Variants in LHX4 observed in about 807,000 individuals in gnomAD.
LHX4 encodes the protein LIM/homeobox protein Lhx4.
A neutral mutation model predicts 39.2 loss-of-function variants in LHX4; 16 were observed. The observed-to-expected ratio is 0.41, with a 90% CI of 0.28 to 0.62. LHX4 has a LOEUF of 0.62. Ranked by LOEUF, LHX4 falls within the 20% of genes least tolerant of loss-of-function variation. LHX4 has a pLI of 0.33. For synonymous variants in LHX4, 206 were observed against 198.1 expected (o/e 1.04, Z -0.33); for missense variants, 439 against 511.9 (o/e 0.86, Z 1.37).
Position 180,232,587 on chromosome 1 carries a change from T to A in LHX4, c.76+1982T>A, listed in dbSNP as rs1345785599. Among the ~76,000 whole-genome samples, 3 of 152,192 alleles carry A rather than the reference T, an allele frequency of 2.0e-5. No individual in the cohort carries two copies. The highest frequency in any genetic ancestry group is 7.2e-5 in the African/African-American group (3 of 41,452). ...TCTAGAGGGGGTGGTCAGTCCTCCCTTTGTCCGAGTTTCGTGACCTTGGTT... is the reference window on the plus strand; with the variant it reads ...TCTAGAGGGGGTGGTCAGTCCTCCCATTGTCCGAGTTTCGTGACCTTGGTT... On this transcript the variant is annotated intron_variant, in intron 1 of 5. Coordinates refer to ENST00000263726, the MANE Select transcript of LHX4 (RefSeq NM_033343.4). The surrounding 1 kb of genome is among the most constrained non-coding windows in gnomAD (Gnocchi z 5.4).
rs186091041 is a variant in LHX4 at position 180,257,174 on chromosome 1, T to G, written c.248+8718T>G. 7.9e-5 allele frequency among the ~76,000 whole-genome samples: 12 copies of G among 152,276 alleles called. No homozygotes were observed. The East Asian group carries it at 1.9e-3, about 24-fold the overall frequency. The stretch of plus-strand genomic sequence containing the variant: ...TTGGGCTCTCGTCCACTTCCTGCCA[T>G]GGATGGAGCTGTGTGATCTTGGGCA... On this transcript the variant is annotated intron_variant, in intron 2 of 5. Coordinates refer to ENST00000263726, the MANE Select transcript of LHX4 (RefSeq NM_033343.4).
At position 180,278,947 on chromosome 1, in the gene LHX4, G is replaced by A. The variant is rs755332163; in HGVS notation, c.*4368G>A. 2.0e-5 allele frequency: 3 copies of A among 152,142 alleles called. No homozygotes were observed. Among genetic ancestry groups the A allele is most frequent in the Non-Finnish European group, 4.4e-5 (3 of 68,032 alleles). 9.4% of individuals were successfully genotyped at this position (152,142 alleles called of 1,614,324 possible). ...CTGTGTGTTGGCATGAGATGTGTAC[G>A]GTAAAATTATGTAAAATAAATATGG... On this transcript the variant is annotated 3_prime_UTR_variant, in exon 6 of 6. Coordinates refer to ENST00000263726, the MANE Select transcript of LHX4 (RefSeq NM_033343.4).
intron 1 of LHX4, among the ~76,000 whole-genome samples, chr1:180,247,326 T>C (rs1044784201): frequency 1.3e-5 from 2 of 152,176 alleles, no homozygotes; most frequent in Admixed American, 1.3e-4. Flanking sequence ...TTTCACTATT[T>C]AAGTGAAAAG....
intron 2 of LHX4, among the ~76,000 whole-genome samples, chr1:180,256,899 C>T (rs1219652521): frequency 6.6e-6 from 1 of 152,250 alleles, no homozygotes; most frequent in Non-Finnish European, 1.5e-5. Context: ...CAGCTGACTG[C>T]TCCAAGCCTG....
At chr1:180,235,860 G>A (rs1173006598) in intron 1 of LHX4, among the ~76,000 whole-genome samples, 7 of 152,232 alleles carry the variant, frequency 4.6e-5, no homozygotes, top group Admixed American at 2.6e-4. Flanking sequence ...GTCTCAGGGG[G>A]TTTGCTTTGT....
intron 3 of LHX4, chr1:180,270,180 T>C (rs1382870629): frequency 6.6e-6 from 1 of 152,256 alleles, no homozygotes; most frequent in Non-Finnish European, 1.5e-5. Context: ...GAGAGCCTTG[T>C]AGATTGTGAG....
intron 2 of LHX4, among the ~76,000 whole-genome samples, chr1:180,255,882 T>G (rs1302769189): frequency 6.6e-6 from 1 of 152,300 alleles, no homozygotes; most frequent in Non-Finnish European, 1.5e-5. Context: ...TAGCTGCAAA[T>G]TAGTCTGGGG....
At chr1:180,249,313 G>A (rs1262654414) in intron 2 of LHX4, among the ~76,000 whole-genome samples, 1 of 152,234 alleles carries the variant, frequency 6.6e-6, no homozygotes, top group Admixed American at 6.5e-5. Flanking sequence ...TTGGATCAGG[G>A]TGAGAAGACC....
In LHX4 at chr1:180,247,448, G is replaced by T. The variant is rs897762233; in HGVS notation, c.77-837G>T. Among the ~76,000 whole-genome samples the T allele has an allele frequency of 5.9e-5, 9 of 152,288 alleles. No homozygotes were observed. In the East Asian group the frequency reaches 1.7e-3, roughly 29 times the overall value. ...TCACTGCTTCTGCTGTGACTGATCAGGACAGTGCAATACCCACCAAAGCAC... is the reference window on the plus strand; with the variant it reads ...TCACTGCTTCTGCTGTGACTGATCATGACAGTGCAATACCCACCAAAGCAC... On this transcript the variant is annotated intron_variant, in intron 1 of 5. Coordinates refer to ENST00000263726, the MANE Select transcript of LHX4 (RefSeq NM_033343.4).
chr1:180,230,294 A>T lies in LHX4; in HGVS notation c.-236A>T, dbSNP rs1268514502. 5.1e-6 allele frequency: 3 copies of T among 585,534 alleles called. No homozygotes were observed. Among genetic ancestry groups the T allele is most frequent in the Non-Finnish European group, 9.2e-6 (3 of 326,936 alleles). The allele number at this position is 585,534 out of a possible 1,614,324, so 36.3% of individuals were successfully genotyped here. Reference sequence around the variant, plus strand: ...TGCAGCAACAGCGTCTCAACCTGGGATGTGCACCAACCCCGGAGAGCGAGA... The same window carrying T: ...TGCAGCAACAGCGTCTCAACCTGGGTTGTGCACCAACCCCGGAGAGCGAGA... On this transcript the variant is annotated 5_prime_UTR_variant, in exon 1 of 6. It removes an upstream start codon present in the reference 5' UTR. Coordinates refer to ENST00000263726, the MANE Select transcript of LHX4 (RefSeq NM_033343.4). This position sits in a 1 kb window ranked among gnomAD's most constrained non-coding sequence, Gnocchi z 5.8.
upstream of LHX4, among the ~76,000 whole-genome samples, chr1:180,228,993 G>T (rs2149249635): frequency 6.6e-6 from 1 of 152,328 alleles, no homozygotes; most frequent in South Asian, 2.1e-4. Flanking sequence ...GACGGGGTGG[G>T]CTTCCCGCGC....
At chr1:180,256,076 G>A (rs941197488) in intron 2 of LHX4, among the ~76,000 whole-genome samples, 9 of 152,220 alleles carry the variant, frequency 5.9e-5, no homozygotes, top group Non-Finnish European at 1.0e-4. Flanking sequence ...CAGGTGCCAT[G>A]CCATGGGGTT....
Position 180,266,650 on chromosome 1 carries a change from C to G in LHX4, c.451+56C>G. 1 of 1,555,948 alleles carries G rather than the reference C, an allele frequency of 6.4e-7. No individual in the cohort carries two copies. Among genetic ancestry groups the G allele is most frequent in the Non-Finnish European group, 8.8e-7 (1 of 1,139,162 alleles). Reference sequence around the variant, plus strand: ...TCCAGGCCTTTGTTTGGGCCACGCCCTCTGCCTGAGGTGCCCTTCTCATGG... The same window carrying G: ...TCCAGGCCTTTGTTTGGGCCACGCCGTCTGCCTGAGGTGCCCTTCTCATGG... On this transcript the variant is annotated intron_variant, in intron 3 of 5. Coordinates refer to ENST00000263726, the MANE Select transcript of LHX4 (RefSeq NM_033343.4). The surrounding 1 kb of genome is among the most constrained non-coding windows in gnomAD (Gnocchi z 5.7).
intron 2 of LHX4, chr1:180,248,708 T>A (rs1647484331): frequency 3.7e-6 from 2 of 539,980 alleles, no homozygotes; most frequent in African/African-American, 3.8e-5. Flanking sequence ...GCCAGAGGCC[T>A]TGGGCTAGAT....
chr1:180,277,165 A>AT lies in LHX4; in HGVS notation c.*2590dup, dbSNP rs1231132528. The stretch of plus-strand genomic sequence containing the variant: ...GAAGCACAGCCACAGTAGGTCTAAG[A>AT]TTTTAAATGGATCTCCCTACAGGTT... On this transcript the variant is annotated 3_prime_UTR_variant, in exon 6 of 6. Coordinates refer to ENST00000263726, the MANE Select transcript of LHX4 (RefSeq NM_033343.4). The AT allele has an allele frequency of 2.0e-5, 3 of 152,178 alleles. No homozygotes were observed. The highest frequency in any genetic ancestry group is 2.9e-5 in the Non-Finnish European group (2 of 68,034). The allele number at this position is 152,178 out of a possible 1,614,324, so 9.4% of individuals were successfully genotyped here. A position where few individuals can be genotyped will look rare whatever the true frequency, so the allele number is the denominator to read the frequency against.
At chr1:180,242,077 A>G (rs1434576108) in intron 1 of LHX4, among the ~76,000 whole-genome samples, 1 of 152,052 alleles carries the variant, frequency 6.6e-6, no homozygotes, top group Admixed American at 6.5e-5. Flanking sequence ...ATTTGAAACA[A>G]TGTTTCTACT....
At chr1:180,273,838 G>A in intron 5 of LHX4, 1 of 308,576 alleles carries the variant, frequency 3.2e-6, no homozygotes, top group East Asian at 7.9e-5. Context: ...GTTTCCATTT[G>A]TGATGTGGAG....
intron 2 of LHX4, among the ~76,000 whole-genome samples, chr1:180,256,365 T>A (rs1302235969): frequency 6.6e-6 from 1 of 152,140 alleles, no homozygotes; most frequent in Non-Finnish European, 1.5e-5. Context: ...GTCTAGTTTG[T>A]CACTCTGGTC....
intron 2 of LHX4, among the ~76,000 whole-genome samples, chr1:180,253,473 CCTGT>C (rs941557579): frequency 6.6e-6 from 1 of 152,368 alleles, no homozygotes; most frequent in South Asian, 2.1e-4. Flanking sequence ...CTTCACAGTG[CCTGT>C]CTAAGAGCCC....
Sources: gnomAD v4.1 joint callset for allele counts (sites outside exome capture counted in the v4.1 genomes callset) on GRCh38, gnomAD v4.1.1 for gene constraint, Gnocchi (gnomAD v3.1) non-coding constraint, MANE v1.5 for transcripts, NCBI Gene and HGNC (gene_info 2026-07-23, HGNC 2026-07-21) for gene names.